Variants in UBTD2 observed in about 807,000 individuals in gnomAD.
UBTD2 encodes ubiquitin domain containing 2, also known as ubiquitin domain-containing protein 2.
A neutral mutation model predicts 19.8 loss-of-function variants in UBTD2; 9 were observed. That is an observed-to-expected ratio of 0.46 (90% CI 0.27 to 0.79). UBTD2 has a LOEUF of 0.79. Among genes scored for constraint, UBTD2 ranks in the 30% least tolerant of loss-of-function variants. The pLI is 0.14. For missense variants in UBTD2, 250 were observed against 300.4 expected, an observed-to-expected ratio of 0.83 and a Z score of 1.24; for synonymous variants, 98 against 103.9, an observed-to-expected ratio of 0.94 and a Z score of 0.35.
At chr5:172,239,898 C>T (rs189845728) in intron 1 of UBTD2, among the ~76,000 whole-genome samples, 81 of 152,192 alleles carry the variant, frequency 5.3e-4, no homozygotes, top group African/African-American at 1.9e-3. Context: ...AGCGAGACTC[C>T]GTCTCAAAAC....
At chr5:172,254,243 G>A (rs1755093721) in intron 1 of UBTD2, among the ~76,000 whole-genome samples, 2 of 152,262 alleles carry the variant, frequency 1.3e-5, no homozygotes, top group East Asian at 3.9e-4. Context: ...GGGATTACAG[G>A]TATCCGCCAC....
chr5:172,229,231 T>C (rs1395817838), intron 2 of UBTD2, among the ~76,000 whole-genome samples: 1 of 151,936 alleles, frequency 6.6e-6, no homozygotes, highest in Non-Finnish European at 1.5e-5. Context: ...CCGGGCGCGG[T>C]GGCTCACGCC....
chr5:172,270,782 A>T (rs907035691), intron 1 of UBTD2, among the ~76,000 whole-genome samples: 4 of 152,198 alleles, frequency 2.6e-5, no homozygotes, highest in Admixed American at 6.5e-5. Context: ...TTGTAACAGA[A>T]TAAAACTCTG....
chr5:172,222,042 C>G (rs1290551688), intron 2 of UBTD2, among the ~76,000 whole-genome samples: 2 of 152,142 alleles, frequency 1.3e-5, no homozygotes, highest in African/African-American at 2.4e-5. Flanking sequence ...AAATCCATAT[C>G]ATTTACTCAA....
rs1241530664 is a variant in UBTD2 at position 172,211,468 on chromosome 5, T to C, written c.*362A>G. 2.3e-5 allele frequency: 4 copies of C among 172,464 alleles called. No individual in the cohort carries two copies. The East Asian group carries it at 6.3e-4, about 27-fold the overall frequency. 10.7% of individuals were successfully genotyped at this position (172,464 alleles called of 1,614,324 possible). On this transcript the variant is annotated 3_prime_UTR_variant, in exon 3 of 3. Transcript: ENST00000393792. ...GATATATTTTTCTAAAAAAATTCTGTATTCAAAAAGGTGCTTGGTGCTGTC... is the reference window on the plus strand; with the variant it reads ...GATATATTTTTCTAAAAAAATTCTGCATTCAAAAAGGTGCTTGGTGCTGTC...
At chr5:172,240,236 G>A (rs1309337870) in intron 1 of UBTD2, among the ~76,000 whole-genome samples, 2 of 152,162 alleles carry the variant, frequency 1.3e-5, no homozygotes, top group Non-Finnish European at 2.9e-5. Context: ...TAAAGAAGGG[G>A]TGATGTGGCT....
chr5:172,224,571 A>C (rs140681622), intron 2 of UBTD2, among the ~76,000 whole-genome samples: 1 of 152,218 alleles, frequency 6.6e-6, no homozygotes, highest in African/African-American at 2.4e-5. Context: ...GATTACAGGC[A>C]TGAGCCACTG....
intron 1 of UBTD2, among the ~76,000 whole-genome samples, chr5:172,241,273 C>A (rs541213860): frequency 1.3e-5 from 2 of 151,782 alleles, no homozygotes; most frequent in African/African-American, 4.8e-5. Flanking sequence ...ATTAGCCAGG[C>A]GCAGTGGTGC....
intron 1 of UBTD2, among the ~76,000 whole-genome samples, chr5:172,277,423 T>C (rs60995369): frequency 6.6e-6 from 1 of 151,890 alleles, no homozygotes; most frequent in African/African-American, 2.4e-5. Flanking sequence ...TTACAAACTT[T>C]AGGTGATGCA....
chr5:172,249,401 G>GACAA (rs1754944992), intron 1 of UBTD2, among the ~76,000 whole-genome samples: 1 of 63,294 alleles, frequency 1.6e-5, no homozygotes, highest in Non-Finnish European at 2.9e-5. Context: ...TCCGTCTCAT[G>GACAA]AAAAAAAAAA....
intron 2 of UBTD2, among the ~76,000 whole-genome samples, chr5:172,225,105 A>C (rs1242174589): frequency 6.6e-6 from 1 of 151,814 alleles, no homozygotes; most frequent in African/African-American, 2.4e-5. Flanking sequence ...TTCTTCTCAC[A>C]AACCTATTGT....
chr5:172,255,073 C>A lies in UBTD2; in HGVS notation c.71-20715G>T. ...CAGCTGCCATCATCTGCGGCATGGACAAGTGGCACGTCAAAAGGCTGCCAG... is the reference window on the plus strand; with the variant it reads ...CAGCTGCCATCATCTGCGGCATGGAAAAGTGGCACGTCAAAAGGCTGCCAG... On this transcript the variant is annotated intron_variant, in intron 1 of 2. Transcript: ENST00000393792. 5 of 495,264 alleles carry A rather than the reference C, an allele frequency of 1.0e-5. No homozygotes were observed. In the Admixed American group the frequency reaches 1.3e-4, roughly 13 times the overall value. The allele number at this position is 495,264 out of a possible 1,614,324, so 30.7% of individuals were successfully genotyped here.
chr5:172,267,202 A>G (rs1309433376), intron 1 of UBTD2, among the ~76,000 whole-genome samples: 1 of 152,214 alleles, frequency 6.6e-6, no homozygotes, highest in Non-Finnish European at 1.5e-5. Context: ...TTTAAGAACT[A>G]TAATAAAAAG....
intron 2 of UBTD2, 54 bp from the exon 3 acceptor site, chr5:172,212,281 G>C (rs1361718925): frequency 6.6e-7 from 1 of 1,520,038 alleles, no homozygotes; most frequent in African/African-American, 1.4e-5. Flanking sequence ...ATGCATTTTT[G>C]TTTATGCCTC....
At chr5:172,234,842 T>G (rs1017956600) in intron 1 of UBTD2, among the ~76,000 whole-genome samples, 2 of 123,416 alleles carry the variant, frequency 1.6e-5, no homozygotes, top group African/African-American at 6.2e-5. Context: ...TGGGAGGTTG[T>G]GTTTGCAGTG....
intron 1 of UBTD2, among the ~76,000 whole-genome samples, chr5:172,239,480 G>T (rs1466236778): frequency 1.3e-5 from 2 of 152,022 alleles, no homozygotes; most frequent in Admixed American, 1.3e-4. Context: ...GAGTGCAATG[G>T]CATGATCTCG....
intron 1 of UBTD2, among the ~76,000 whole-genome samples, chr5:172,242,674 C>A (rs1489440809): frequency 2.6e-5 from 4 of 152,138 alleles, no homozygotes; most frequent in Non-Finnish European, 4.4e-5. Flanking sequence ...AACTGAATGT[C>A]ACGTCTATGG....
chr5:172,263,189 C>A (rs1755307880), intron 1 of UBTD2, among the ~76,000 whole-genome samples: 1 of 152,082 alleles, frequency 6.6e-6, no homozygotes, highest in South Asian at 2.1e-4. Context: ...CCTCAGCCTT[C>A]CAAAGTGCTA....
At chr5:172,232,272 C>CA (rs1490435354) in intron 2 of UBTD2, among the ~76,000 whole-genome samples, 1 of 128,628 alleles carries the variant, frequency 7.8e-6, no homozygotes. Context: ...GACCCTGTCT[C>CA]AAAAAAATAA....
Sources: gnomAD v4.1 joint callset for allele counts (sites outside exome capture counted in the v4.1 genomes callset) on GRCh38, gnomAD v4.1.1 for gene constraint, MANE v1.5 for transcripts, NCBI Gene and HGNC (gene_info 2026-07-23, HGNC 2026-07-21) for gene names.